Variants in SEMA3D observed in about 807,000 individuals in gnomAD.
SEMA3D encodes semaphorin 3D, also known as semaphorin-3D.
SEMA3D carries 84 observed loss-of-function variants against 100.1 expected under a neutral mutation model. That is an observed-to-expected ratio of 0.84 (90% CI 0.70 to 1.01). The LOEUF is 1.01. Among genes scored for constraint, SEMA3D ranks in the 50% least tolerant of loss-of-function variants. The pLI is 0.00. For synonymous variants in SEMA3D, 312 were observed against 320.7 expected, an observed-to-expected ratio of 0.97 and a Z score of 0.29; for missense variants, 875 against 934.1, an observed-to-expected ratio of 0.94 and a Z score of 0.82.
chr7:85,143,199 T>C, intron 2 of SEMA3D: 3 of 948,866 alleles, frequency 3.2e-6, no homozygotes, highest in South Asian at 9.8e-5. Context: ...ATGAGAAAAG[T>C]GATTAGCAGA....
chr7:85,007,276 A>G (rs941211625), intron 17 of SEMA3D, among the ~76,000 whole-genome samples: 1 of 151,760 alleles, frequency 6.6e-6, no homozygotes, highest in Admixed American at 6.6e-5. Context: ...GTGCTTTAAT[A>G]CTTTTTTGTT....
chr7:85,073,028 T>C lies in SEMA3D; in HGVS notation c.429A>G (p.Ile143Met). Residue 143 changes from isoleucine (I) to methionine (M), a missense_variant, in exon 6 of 19, where the codon ATA (isoleucine) becomes ATG (methionine). Physicochemically the swap from Ile to Met is conservative, Grantham distance 10 (BLOSUM62 1). Coordinates refer to ENST00000284136, the MANE Select transcript of SEMA3D (RefSeq NM_001384900.1). ...GAAATGCTCCAGTTCCACACACATA[T>C]ATGTGAGTTTTGTTATAGGGCTGAA... ...RVLQPYNKTHIYVCGTGAFHP... is the reference protein window; with the variant it reads ...RVLQPYNKTHMYVCGTGAFHP... The C allele has an allele frequency of 6.2e-7, 1 of 1,611,724 alleles. No individual in the cohort carries two copies. The highest frequency in any genetic ancestry group is 8.5e-7 in the Non-Finnish European group (1 of 1,178,098).
intron 4 of SEMA3D, among the ~76,000 whole-genome samples, chr7:85,083,778 C>T (rs1339946579): frequency 2.0e-4 from 28 of 139,806 alleles, no homozygotes; most frequent in Middle Eastern, 9.2e-3. Context: ...ACCCGGGAGG[C>T]GGAGCTTGCA....
the SEMA3D span, among the ~76,000 whole-genome samples, chr7:85,244,845 G>A: frequency 6.6e-6 from 1 of 151,516 alleles, no homozygotes; most frequent in African/African-American, 2.4e-5. Context: ...TGAGTAGCTG[G>A]GACTATAGGC....
intron 11 of SEMA3D, 86 bp from the exon 12 acceptor site, chr7:85,037,119 G>A (rs1790721878): frequency 2.2e-6 from 3 of 1,352,766 alleles, no homozygotes; most frequent in Admixed American, 4.0e-5. Context: ...CAGGTGCTGT[G>A]GACAAAATTT....
chr7:85,071,210 A>T (rs1466734314), intron 6 of SEMA3D, among the ~76,000 whole-genome samples: 1 of 152,172 alleles, frequency 6.6e-6, no homozygotes, highest in African/African-American at 2.4e-5. Context: ...AGCTAATGTT[A>T]TATATTACCC....
the SEMA3D span, among the ~76,000 whole-genome samples, chr7:85,218,174 A>T: frequency 1.3e-5 from 2 of 152,082 alleles, no homozygotes; most frequent in East Asian, 3.9e-4. Context: ...TCATTTCTGA[A>T]GAAAGATGTC....
At position 84,996,674 on chromosome 7, in the gene SEMA3D, A is replaced by G. The variant is rs549354965; in HGVS notation, c.*2766T>C. On this transcript the variant is annotated 3_prime_UTR_variant, in exon 19 of 19. Transcript: ENST00000284136. ...TAGCAGCATAAATTGCTGAAATGAAATTCAGAAAAGAACACACAAGGCAGA... is the reference window on the plus strand; with the variant it reads ...TAGCAGCATAAATTGCTGAAATGAAGTTCAGAAAAGAACACACAAGGCAGA... 1 of 152,534 alleles carries G rather than the reference A, an allele frequency of 6.6e-6. No homozygotes were observed. The highest frequency in any genetic ancestry group is 2.4e-5 in the African/African-American group (1 of 41,590). 9.4% of individuals were successfully genotyped at this position (152,534 alleles called of 1,614,324 possible).
the SEMA3D span, among the ~76,000 whole-genome samples, chr7:85,240,260 GA>G: frequency 6.6e-6 from 1 of 151,968 alleles, no homozygotes; most frequent in Non-Finnish European, 1.5e-5. Context: ...ATGATCATAC[GA>G]TTTTTTTTCT....
chr7:85,018,761 G>A (rs79964805), intron 14 of SEMA3D, among the ~76,000 whole-genome samples: 1,608 of 151,680 alleles, frequency 0.011, 11 homozygotes, highest in Non-Finnish European at 0.016. Context: ...TATTCTTTAC[G>A]GAACACTACA....
chr7:85,216,881 C>G, the SEMA3D span, among the ~76,000 whole-genome samples: 2 of 151,584 alleles, frequency 1.3e-5, no homozygotes, highest in Admixed American at 6.6e-5. Context: ...AGATCTCCCA[C>G]CCCCAAATTA....
intron 6 of SEMA3D, 22 bp downstream of exon 6, chr7:85,072,940 T>C (rs762976673): frequency 6.4e-7 from 1 of 1,567,386 alleles, no homozygotes. Context: ...ATTATGCTTT[T>C]CATGCTTTTT....
At chr7:85,054,019 T>C (rs1791240538) in intron 9 of SEMA3D, among the ~76,000 whole-genome samples, 1 of 151,894 alleles carries the variant, frequency 6.6e-6, no homozygotes, top group Non-Finnish European at 1.5e-5. Context: ...ATAATATAAA[T>C]AAAATATTAC....
chr7:85,031,133 T>A (rs1010428726), intron 12 of SEMA3D, among the ~76,000 whole-genome samples: 1 of 151,966 alleles, frequency 6.6e-6, no homozygotes, highest in African/African-American at 2.4e-5. Context: ...TGACTTTTTG[T>A]CAAAGAAGTA....
chr7:85,093,445 C>T (rs1391087937), intron 4 of SEMA3D, among the ~76,000 whole-genome samples: 1 of 151,982 alleles, frequency 6.6e-6, no homozygotes, highest in Non-Finnish European at 1.5e-5. Context: ...TGGCAGCCAT[C>T]TTGCTACCAA....
At chr7:85,160,688 G>T (rs2116516458) in intron 1 of SEMA3D, among the ~76,000 whole-genome samples, 1 of 152,100 alleles carries the variant, frequency 6.6e-6, no homozygotes, top group African/African-American at 2.4e-5. Context: ...TTATCCAAAA[G>T]GTGCAGGGAA....
the SEMA3D span, among the ~76,000 whole-genome samples, chr7:85,217,583 G>C: frequency 6.6e-6 from 1 of 152,064 alleles, no homozygotes; most frequent in South Asian, 2.1e-4. Flanking sequence ...TGGAGGATAA[G>C]AGAGTGTTCT....
chr7:85,226,215 A>T, the SEMA3D span, among the ~76,000 whole-genome samples: 3 of 151,218 alleles, frequency 2.0e-5, no homozygotes, highest in Admixed American at 1.3e-4. Context: ...ACACTTCGTT[A>T]AAAAAAAACT....
chr7:85,000,881 TAAC>T (rs1717411231), intron 18 of SEMA3D, among the ~76,000 whole-genome samples: 3 of 152,208 alleles, frequency 2.0e-5, no homozygotes, highest in South Asian at 2.1e-4. Flanking sequence ...TTAAGTGGAA[TAAC>T]AACAACAACA....
Sources: gnomAD v4.1 joint callset for allele counts (sites outside exome capture counted in the v4.1 genomes callset) on GRCh38, gnomAD v4.1.1 for gene constraint, MANE v1.5 for transcripts, NCBI Gene and HGNC (gene_info 2026-07-23, HGNC 2026-07-21) for gene names.